The following CDH10 variants were observed in gnomAD, a reference collection of about 807,000 sequenced individuals.
CDH10 encodes cadherin 10.
A neutral mutation model predicts 73.1 loss-of-function variants in CDH10; 30 were observed. That is an observed-to-expected ratio of 0.41 (90% confidence interval 0.31 to 0.56). The LOEUF (loss-of-function observed/expected upper bound fraction) is 0.56, where lower values mean the gene tolerates loss of function less well. Among genes scored for constraint, CDH10 ranks in the 20% least tolerant of loss-of-function variants. CDH10 has a pLI of 0.27. For synonymous variants in CDH10, 345 were observed against 348.2 expected, an observed-to-expected ratio of 0.99 and a Z score of 0.10; for missense variants, 815 against 973.7, an observed-to-expected ratio of 0.84 and a Z score of 2.17.
intron 2 of CDH10, among the ~76,000 whole-genome samples, chr5:24,545,284 T>A (rs1281703810): frequency 6.6e-6 from 1 of 152,194 alleles, no homozygotes; most frequent in Non-Finnish European, 1.5e-5. Flanking sequence ...GAATCTTGGA[T>A]TTACAATATA....
intron 2 of CDH10, among the ~76,000 whole-genome samples, chr5:24,560,761 C>T (rs1010715000): frequency 6.6e-6 from 1 of 152,026 alleles, no homozygotes; most frequent in East Asian, 1.9e-4. Flanking sequence ...TAGACCAAAG[C>T]AACTTCAGCC....
chr5:24,536,526 T>C (rs1331129867), intron 3 of CDH10, among the ~76,000 whole-genome samples: 1 of 152,092 alleles, frequency 6.6e-6, no homozygotes, highest in African/African-American at 2.4e-5. Context: ...CACACATATT[T>C]GAGAAGTGTC....
At chr5:24,492,367 T>A (rs1430288497) in intron 10 of CDH10, among the ~76,000 whole-genome samples, 2 of 152,218 alleles carry the variant, frequency 1.3e-5, no homozygotes, top group Non-Finnish European at 2.9e-5. Context: ...ATTGCAACAG[T>A]ACCTTTGTAA....
intron 1 of CDH10, among the ~76,000 whole-genome samples, chr5:24,639,512 G>T (rs1747975058): frequency 6.6e-6 from 1 of 151,604 alleles, no homozygotes; most frequent in South Asian, 2.1e-4. Flanking sequence ...ACTCAAGGTA[G>T]AATATTTAAT....
chr5:24,600,195 G>A (rs1457373328), intron 1 of CDH10, among the ~76,000 whole-genome samples: 1 of 152,032 alleles, frequency 6.6e-6, no homozygotes, highest in Admixed American at 6.6e-5. Flanking sequence ...CCAAAATATA[G>A]AATATAGAAT....
intron 5 of CDH10, among the ~76,000 whole-genome samples, chr5:24,521,081 C>A (rs1743311594): frequency 6.6e-6 from 1 of 151,944 alleles, no homozygotes; most frequent in African/African-American, 2.4e-5. Context: ...CACAGTTCTG[C>A]TATATAAGAT....
At chr5:24,625,283 T>C (rs930018867) in intron 1 of CDH10, among the ~76,000 whole-genome samples, 2 of 151,978 alleles carry the variant, frequency 1.3e-5, no homozygotes, top group African/African-American at 4.8e-5. Context: ...CCTTGCTCTT[T>C]AGTTATATTG....
At chr5:24,567,628 G>A in intron 2 of CDH10, among the ~76,000 whole-genome samples, 1 of 151,960 alleles carries the variant, frequency 6.6e-6, no homozygotes, top group South Asian at 2.1e-4. Flanking sequence ...CAGAAAGGTG[G>A]TTGCCTATTG....
At chr5:24,556,132 C>T (rs1424136793) in intron 2 of CDH10, among the ~76,000 whole-genome samples, 2 of 152,142 alleles carry the variant, frequency 1.3e-5, no homozygotes, top group Non-Finnish European at 2.9e-5. Flanking sequence ...ACTTCTATCT[C>T]AGCTTTCTTC....
chr5:24,560,453 A>G (rs373250235), intron 2 of CDH10, among the ~76,000 whole-genome samples: 183 of 145,808 alleles, frequency 1.3e-3, no homozygotes, highest in African/African-American at 4.4e-3. Context: ...ACTGCATTGA[A>G]TTAAATATGC....
At chr5:24,503,134 A>G (rs1742556931) in intron 8 of CDH10, among the ~76,000 whole-genome samples, 2 of 152,154 alleles carry the variant, frequency 1.3e-5, no homozygotes, top group South Asian at 2.1e-4. Flanking sequence ...GCCTAATTCA[A>G]TTGTTCTGGG....
At chr5:24,558,144 G>A (rs1234712137) in intron 2 of CDH10, among the ~76,000 whole-genome samples, 1 of 151,690 alleles carries the variant, frequency 6.6e-6, no homozygotes, top group Admixed American at 6.6e-5. Flanking sequence ...CTTAAGTGTT[G>A]GAAGTCTTAA....
At chr5:24,499,397 C>T (rs1742407165) in intron 8 of CDH10, 1 of 152,568 alleles carries the variant, frequency 6.6e-6, no homozygotes, top group Non-Finnish European at 1.5e-5. Context: ...AGATGCATTT[C>T]TGGCTGGCTC....
intron 5 of CDH10, among the ~76,000 whole-genome samples, chr5:24,520,308 T>C (rs1167972471): frequency 6.6e-6 from 1 of 152,184 alleles, no homozygotes. Context: ...ATGTGAGCTA[T>C]ACTTATATGG....
intron 3 of CDH10, among the ~76,000 whole-genome samples, chr5:24,536,880 TATA>T (rs1471351986): frequency 6.6e-6 from 1 of 151,944 alleles, no homozygotes; most frequent in Non-Finnish European, 1.5e-5. Flanking sequence ...ACATAATAAT[TATA>T]ATGATAGGAT....
At chr5:24,544,467 G>A (rs994338069) in intron 2 of CDH10, among the ~76,000 whole-genome samples, 10 of 152,184 alleles carry the variant, frequency 6.6e-5, no homozygotes, top group African/African-American at 2.4e-4. Flanking sequence ...TGATGGGTGG[G>A]CACATATAGC....
At chr5:24,492,312 A>C (rs1485482188) in intron 10 of CDH10, among the ~76,000 whole-genome samples, 2 of 152,236 alleles carry the variant, frequency 1.3e-5, no homozygotes, top group African/African-American at 2.4e-5. Flanking sequence ...ATCAATAACA[A>C]AGTAGAAGAA....
intron 1 of CDH10, among the ~76,000 whole-genome samples, chr5:24,637,825 A>T (rs1253539492): frequency 3.3e-5 from 5 of 151,858 alleles, no homozygotes. Context: ...AAAAATTTCA[A>T]ATTTCCCTAA....
At chr5:24,577,730 G>T (rs1474171869) in intron 2 of CDH10, among the ~76,000 whole-genome samples, 1 of 152,086 alleles carries the variant, frequency 6.6e-6, no homozygotes, top group Non-Finnish European at 1.5e-5. Context: ...GAGAATCTAA[G>T]CTGTCACCTT....
Sources: allele counts gnomAD v4.1 joint callset (sites outside exome capture counted in the v4.1 genomes callset), GRCh38; gene constraint gnomAD v4.1.1; transcripts MANE v1.5; gene names NCBI Gene and HGNC (gene_info 2026-07-23, HGNC 2026-07-21).